CDHR1: variants seen among roughly 807,000 people sequenced by gnomAD.
CDHR1 encodes cadherin-related family member 1.
Under a neutral mutation model 72.1 loss-of-function variants are expected in CDHR1, and 61 were observed. That is an observed-to-expected ratio of 0.85 (90% CI 0.69 to 1.05). CDHR1 has a LOEUF of 1.05. Ranked by LOEUF, CDHR1 falls within the 50% of genes least tolerant of loss-of-function variation. The pLI, the probability that CDHR1 is intolerant of heterozygous loss-of-function variation, is 0.00. For missense variants in CDHR1, 1,186 were observed against 1,115.7 expected, an observed-to-expected ratio of 1.06 and a Z score of -0.90; for synonymous variants, 470 against 448.1, an observed-to-expected ratio of 1.05 and a Z score of -0.62.
Position 84,211,058 on chromosome 10 carries a change from A to C in CDHR1, c.1378A>C (p.Ile460Leu). The stretch of plus-strand genomic sequence containing the variant: ...GTTCAGTTCCACAGCGGATGTTGTG[A>C]TCCAGCTCCTGGACACCAATGACAA... ...EKFSSTADVV[I>L]QLLDTNDNVP... is the part of the protein sequence containing the mutation. Residue 460 changes from isoleucine (I) to leucine (L), a missense_variant, in exon 13 of 17, where the codon ATC becomes CTC. Ile to Leu is a conservative substitution (Grantham distance 5). Transcript: ENST00000623527. The C allele has an allele frequency of 1.2e-6, 2 of 1,614,156 alleles. No individual in the cohort carries two copies. Among genetic ancestry groups the C allele is most frequent in the South Asian group, 2.2e-5 (2 of 91,080 alleles).
At chr10:84,203,253 C>T in intron 8 of CDHR1, 130 bp downstream of exon 8, 1 of 1,171,668 alleles carries the variant, frequency 8.5e-7, no homozygotes, top group Non-Finnish European at 1.3e-6. Flanking sequence ...GAGGCCAGCT[C>T]TGGACTCACC....
chr10:84,211,169 G>C lies in CDHR1; in HGVS notation c.1485+4G>C, dbSNP rs2132827901. The C allele has an allele frequency of 6.2e-7, 1 of 1,614,208 alleles. No individual in the cohort carries two copies. Among genetic ancestry groups the C allele is most frequent in the Admixed American group, 1.7e-5 (1 of 60,032 alleles). On this transcript the variant is annotated splice_donor_region_variant and intron_variant, in intron 13 of 16. Coordinates refer to ENST00000623527, the MANE Select transcript of CDHR1 (RefSeq NM_033100.4). ...CTCCAGCGTGGTGGCTGTCACAGTG[G>C]GTTGGGCACTGGCCCAGGGACTGGG...
Position 84,200,170 on chromosome 10 carries a change from CAA to C in CDHR1, c.439-415_439-414del, listed in dbSNP as rs10583938. Among the ~76,000 whole-genome samples, 691 of 134,396 alleles carry C rather than the reference CAA, an allele frequency of 5.1e-3. 8 individuals carry two copies. Among genetic ancestry groups the C allele is most frequent in the African/African-American group, 0.014 (552 of 39,062 alleles). 88.2% of individuals were successfully genotyped at this position (134,396 alleles called of 152,430 possible). A position where few individuals can be genotyped will look rare whatever the true frequency, so the allele number is the denominator to read the frequency against. On this transcript the variant is annotated intron_variant, in intron 5 of 16. Transcript: ENST00000623527. ...GGATAACAAGGGCGAAGCTCCATCTCAAAAAAAAAAAAAAAAAGTTTGCTAAG... is the reference window on the plus strand; with the variant it reads ...GGATAACAAGGGCGAAGCTCCATCTCAAAAAAAAAAAAAAAGTTTGCTAAG...
At chr10:84,203,197 C>T (rs1272142490) in intron 8 of CDHR1, 74 bp downstream of exon 8, 11 of 1,588,094 alleles carry the variant, frequency 6.9e-6, no homozygotes, top group African/African-American at 5.4e-5. Context: ...TTTAGGGACC[C>T]CCTGCTGGAG....
intron 6 of CDHR1, 129 bp downstream of exon 6, chr10:84,200,816 G>A (rs112106823): frequency 0.039 from 27,846 of 706,182 alleles, 720 homozygotes; most frequent in Middle Eastern, 0.06. Flanking sequence ...TGAAGGGTTG[G>A]GATGGGCAGG....
rs1357741257 is a variant in CDHR1 at position 84,218,022 on chromosome 10, CTGAAGGCGT to C, written c.*3405_*3413del. On this transcript the variant is annotated 3_prime_UTR_variant, in exon 17 of 17. Transcript: ENST00000623527. ...ATTTCGGTGATTCTATTTTTAGGGA[CTGAAGGCGT>C]TGAGGGAATCCAAGGCCAGTCCACC... The C allele has an allele frequency of 2.9e-5, 29 of 985,332 alleles. No individual in the cohort carries two copies. The highest frequency in any genetic ancestry group is 3.3e-5 in the Non-Finnish European group (27 of 829,972). 61.0% of individuals were successfully genotyped at this position (985,332 alleles called of 1,614,324 possible).
rs750056168 is a variant in CDHR1 at position 84,214,476 on chromosome 10, C to A, written c.2435C>A (p.Pro812His). ...PSTGAAQWTV[P>H]TVSGSLTPQP... ...ACTGGCGCAGCCCAGTGGACCGTGC[C>A]TACTGTCTCTGGCTCTCTCACTCCG... The change falls in exon 17 of 17, where the codon CCT becomes CAT. Residue 812 changes from proline (P) to histidine (H), a missense_variant. Physicochemically the swap from Pro to His is moderately conservative, Grantham distance 77. Coordinates refer to ENST00000623527, the MANE Select transcript of CDHR1 (RefSeq NM_033100.4). The A allele has an allele frequency of 1.9e-6, 3 of 1,610,002 alleles. No individual in the cohort carries two copies. The highest frequency in any genetic ancestry group is 1.1e-5 in the South Asian group (1 of 91,076).
intron 16 of CDHR1, 97 bp from the exon 17 acceptor site, chr10:84,213,985 G>T (rs1842382762): frequency 5.8e-6 from 9 of 1,548,082 alleles, no homozygotes; most frequent in Non-Finnish European, 6.2e-6. Context: ...ACTCCAGAAA[G>T]TTTAAAAACC....
rs1381982814 is a variant in CDHR1 at position 84,217,689 on chromosome 10, C to T, written c.*3068C>T. The T allele has an allele frequency of 1.0e-6, 1 of 985,378 alleles. No homozygotes were observed. The highest frequency in any genetic ancestry group is 1.1e-4 in the East Asian group (1 of 8,822). The allele number at this position is 985,378 out of a possible 1,614,324, so 61.0% of individuals were successfully genotyped here. A position where few individuals can be genotyped will look rare whatever the true frequency, so the allele number is the denominator to read the frequency against. On this transcript the variant is annotated 3_prime_UTR_variant, in exon 17 of 17. Coordinates refer to ENST00000623527, the MANE Select transcript of CDHR1 (RefSeq NM_033100.4). Reference sequence around the variant, plus strand: ...ACACCATGTCCTGAAAGAGAGGACCCCCTCCATGCATCCTCACCCCCCAGG... The same window carrying T: ...ACACCATGTCCTGAAAGAGAGGACCTCCTCCATGCATCCTCACCCCCCAGG...
Position 84,194,627 on chromosome 10 carries a change from T to A in CDHR1, c.-134T>A. On this transcript the variant is annotated 5_prime_UTR_variant, in exon 1 of 17. Coordinates refer to ENST00000623527, the MANE Select transcript of CDHR1 (RefSeq NM_033100.4). ...CACGCCACCCGCCGCTCCCGCCCCGTGCCCCCTCCCGCCGCGGCTGCAGTC... is the reference window on the plus strand; with the variant it reads ...CACGCCACCCGCCGCTCCCGCCCCGAGCCCCCTCCCGCCGCGGCTGCAGTC... 8.4e-6 allele frequency: 4 copies of A among 474,834 alleles called. No individual in the cohort carries two copies. The highest frequency in any genetic ancestry group is 1.0e-5 in the Non-Finnish European group (3 of 292,782). The allele number at this position is 474,834 out of a possible 1,614,324, so 29.4% of individuals were successfully genotyped here.
chr10:84,210,110 C>T (rs1842301560), intron 12 of CDHR1, among the ~76,000 whole-genome samples: 1 of 152,170 alleles, frequency 6.6e-6, no homozygotes, highest in Non-Finnish European at 1.5e-5. Flanking sequence ...GTCTCAGCTA[C>T]TTGGAAGGCT....
intron 3 of CDHR1, among the ~76,000 whole-genome samples, chr10:84,197,212 A>G (rs1842044858): frequency 6.6e-6 from 1 of 152,074 alleles, no homozygotes; most frequent in South Asian, 2.1e-4. Context: ...AGGACAGGGT[A>G]GAGAAAGGAA....
chr10:84,205,833 A>G lies in CDHR1; in HGVS notation c.869A>G (p.Asp290Gly), dbSNP rs574920135. 488 of 1,613,618 alleles carry G rather than the reference A, an allele frequency of 3.0e-4. 8 individuals are homozygous for G. The South Asian group carries it at 5.0e-3, about 17-fold the overall frequency. The change falls in exon 10 of 17, where the codon GAT (aspartate) becomes GGT (glycine). Residue 290 changes from aspartate to glycine, a missense_variant. Physicochemically the swap from Asp to Gly is moderately conservative, Grantham distance 94. Coordinates refer to ENST00000623527, the MANE Select transcript of CDHR1 (RefSeq NM_033100.4). ...GGTGCATCTCCCTTGACAGGGAACG[A>G]TGGAGCCTTTGAAATTAATGAGACA... The part of the protein sequence containing the change: ...RILYSLVNGN[D>G]GAFEINETSG...
intron 1 of CDHR1, among the ~76,000 whole-genome samples, chr10:84,195,053 G>A (rs1399794454): frequency 6.6e-6 from 1 of 152,208 alleles, no homozygotes; most frequent in Non-Finnish European, 1.5e-5. Context: ...GGGCCCCAGG[G>A]TTTGGCGCCC....
In CDHR1 at chr10:84,200,651, C is replaced by T. The variant is rs754360291; in HGVS notation, c.489C>T (p.Asp163=). The T allele has an allele frequency of 9.9e-6, 16 of 1,612,628 alleles. No individual in the cohort carries two copies. Among genetic ancestry groups the T allele is most frequent in the Non-Finnish European group, 1.4e-5 (16 of 1,179,416 alleles). The change falls in exon 6 of 17, where the codon GAC becomes GAT. Residue 163 remains aspartate (D), a synonymous_variant. Transcript: ENST00000623527. ...TTAAGGTCCATGCAGTGGACAGGGACACAGGCTCTGGAGGGAGTGTCACCT... is the reference window on the plus strand; with the variant it reads ...TTAAGGTCCATGCAGTGGACAGGGATACAGGCTCTGGAGGGAGTGTCACCT... The part of the protein sequence containing the change: ...IIFKVHAVDR[D]TGSGGSVTYF...
Position 84,218,539 on chromosome 10 carries a change from T to C in CDHR1, c.*3918T>C. 4 of 985,406 alleles carry C rather than the reference T, an allele frequency of 4.1e-6. No homozygotes were observed. Among genetic ancestry groups the C allele is most frequent in the Non-Finnish European group, 4.8e-6 (4 of 829,912 alleles). The allele number at this position is 985,406 out of a possible 1,614,324, so 61.0% of individuals were successfully genotyped here. On this transcript the variant is annotated 3_prime_UTR_variant, in exon 17 of 17. Transcript: ENST00000623527. Reference sequence around the variant, plus strand: ...AAAGAAGAAAAGAAAAAGAACAACATTCCTCTCTTTAATTGCTAATCGCCT... The same window carrying C: ...AAAGAAGAAAAGAAAAAGAACAACACTCCTCTCTTTAATTGCTAATCGCCT...
At chr10:84,204,003 G>C (rs2132810307) in intron 8 of CDHR1, among the ~76,000 whole-genome samples, 1 of 152,280 alleles carries the variant, frequency 6.6e-6, no homozygotes, top group Admixed American at 6.5e-5. Context: ...GGGGACAACA[G>C]GCAGAAGTCA....
chr10:84,195,510 C>T lies in CDHR1; in HGVS notation c.72C>T (p.Ala24=), dbSNP rs983857256. The part of the protein sequence containing the change: ...LRLCLAQANF[A]PHFFDNGVGS... The stretch of plus-strand genomic sequence containing the variant: ...TTTTTCCAGCTCAGGCCAACTTCGC[C>T]CCGCACTTCTTCGACAACGGGGTCG... Residue 24 remains alanine, a synonymous_variant, in exon 2 of 17, where the codon GCC becomes GCT. Transcript: ENST00000623527. 1 of 1,614,132 alleles carries T rather than the reference C, an allele frequency of 6.2e-7. No individual in the cohort carries two copies. The highest frequency in any genetic ancestry group is 8.5e-7 in the Non-Finnish European group (1 of 1,179,994).
At chr10:84,212,893 A>C in intron 15 of CDHR1, 198 bp from the exon 16 acceptor site, 1 of 658,112 alleles carries the variant, frequency 1.5e-6, no homozygotes, top group Non-Finnish European at 2.7e-6. Flanking sequence ...GGAATCGGCT[A>C]GCCCATGTGT....
Sources: allele counts gnomAD v4.1 joint callset (sites outside exome capture counted in the v4.1 genomes callset), GRCh38; gene constraint gnomAD v4.1.1; transcripts MANE v1.5; gene names NCBI Gene and HGNC (gene_info 2026-07-23, HGNC 2026-07-21).